The following LIPA variants were observed in gnomAD, a reference collection of about 807,000 sequenced individuals.
LIPA encodes the protein lipase A, lysosomal acid type.
LIPA carries 26 observed loss-of-function variants against 40.6 expected under a neutral mutation model. That is an observed-to-expected ratio of 0.64 (90% CI 0.47 to 0.89). The LOEUF (loss-of-function observed/expected upper bound fraction) is 0.89. Among genes scored for constraint, LIPA ranks in the 40% least tolerant of loss-of-function variants. The pLI, the probability that LIPA is intolerant of heterozygous loss-of-function variation, is 0.00. For missense variants in LIPA, 455 were observed against 479.6 expected (o/e 0.95, Z 0.48); for synonymous variants, 188 against 168.4 (o/e 1.12, Z -0.90).
chr10:89,381,565 T>C (rs1041506801), intron 2 of LIPA, among the ~76,000 whole-genome samples: 11 of 152,084 alleles, frequency 7.2e-5, no homozygotes, highest in Non-Finnish European at 1.5e-4. Context: ...ATGGAGAAGA[T>C]GGCTTGGGAT....
chr10:89,376,187 T>TAAAAAA (rs66954730), intron 2 of LIPA, among the ~76,000 whole-genome samples: 6 of 102,524 alleles, frequency 5.9e-5, no homozygotes, highest in South Asian at 3.8e-4. Flanking sequence ...GACTCTATCT[T>TAAAAAA]AAAAAAAAAA....
intron 7 of LIPA, 25 bp from the exon 8 acceptor site, chr10:89,222,607 A>G (rs771136736): frequency 7.1e-7 from 1 of 1,403,860 alleles, no homozygotes; most frequent in Non-Finnish European, 1.0e-6. Context: ...CATTGAAATG[A>G]AGAATGAAAA....
At position 89,245,666 on chromosome 10, in the gene LIPA, C is replaced by T. The variant is rs2133463997; in HGVS notation, c.229+10G>A. 5.8e-6 allele frequency: 8 copies of T among 1,378,454 alleles called. No homozygotes were observed. Among genetic ancestry groups the T allele is most frequent in the Non-Finnish European group, 8.3e-6 (8 of 965,616 alleles). 85.4% of individuals were successfully genotyped at this position (1,378,454 alleles called of 1,614,324 possible). A position where few individuals can be genotyped will look rare whatever the true frequency, so the allele number is the denominator to read the frequency against. The stretch of plus-strand genomic sequence containing the variant: ...AATTCTGGTTTTTACTTTTAAGAGC[C>T]TTCCCATACCTTTGTCAGAATGGTT... On this transcript the variant is annotated intron_variant, in intron 3 of 9. Transcript: ENST00000336233.
intron 1 of LIPA, chr10:89,302,044 G>C: frequency 6.5e-7 from 1 of 1,543,410 alleles, no homozygotes. Flanking sequence ...GCATTTATTG[G>C]TGGCAGAAGA....
intron 3 of LIPA, among the ~76,000 whole-genome samples, chr10:89,245,297 G>A (rs1302540317): frequency 6.6e-6 from 1 of 152,008 alleles, no homozygotes; most frequent in Non-Finnish European, 1.5e-5. Flanking sequence ...AGAGAGAAGG[G>A]AGGCATTTCA....
intron 2 of LIPA, among the ~76,000 whole-genome samples, chr10:89,351,904 T>G (rs1338947331): frequency 1.3e-5 from 2 of 152,216 alleles, no homozygotes; most frequent in African/African-American, 4.8e-5. Context: ...TGTCTCCATC[T>G]GGAGACAACG....
chr10:89,392,710 A>T, intron 2 of LIPA: 1 of 1,614,134 alleles, frequency 6.2e-7, no homozygotes, highest in South Asian at 1.1e-5. Flanking sequence ...ATTTACAGCA[A>T]CCATGAGGTA....
chr10:89,319,236 G>C (rs1589599643), intron 1 of LIPA, among the ~76,000 whole-genome samples: 1 of 151,756 alleles, frequency 6.6e-6, no homozygotes. Context: ...AGGAGATAGA[G>C]ACAAAAAACC....
intron 1 of LIPA, among the ~76,000 whole-genome samples, chr10:89,276,254 C>T (rs1342377767): frequency 6.6e-6 from 1 of 152,198 alleles, no homozygotes; most frequent in Non-Finnish European, 1.5e-5. Flanking sequence ...TCATCCAAGT[C>T]CTGATTTCTA....
At chr10:89,408,766 T>C (rs573009146) in intron 2 of LIPA, among the ~76,000 whole-genome samples, 2 of 152,308 alleles carry the variant, frequency 1.3e-5, no homozygotes, top group South Asian at 4.2e-4. Context: ...CCCTGGCCTT[T>C]AATGAAAAGA....
At chr10:89,406,652 C>T (rs1483955578) in intron 2 of LIPA, among the ~76,000 whole-genome samples, 3 of 152,134 alleles carry the variant, frequency 2.0e-5, no homozygotes, top group African/African-American at 7.2e-5. Context: ...TGCAGCTTCA[C>T]TCCTGAAGTC....
At chr10:89,352,903 G>C (rs552590019) in intron 2 of LIPA, among the ~76,000 whole-genome samples, 26 of 151,538 alleles carry the variant, frequency 1.7e-4, no homozygotes, top group Middle Eastern at 3.5e-3. Context: ...TTTTACCCTA[G>C]CAACATAAAC....
At chr10:89,215,407 A>G (rs949983400) in intron 9 of LIPA, among the ~76,000 whole-genome samples, 3 of 152,168 alleles carry the variant, frequency 2.0e-5, no homozygotes, top group African/African-American at 7.2e-5. Flanking sequence ...ATGCCCTCCT[A>G]CTTCTTCCCT....
intron 2 of LIPA, chr10:89,383,923 C>A: frequency 6.2e-7 from 1 of 1,614,180 alleles, no homozygotes; most frequent in African/African-American, 1.3e-5. Flanking sequence ...ATTTTCTCTG[C>A]ACGTCCTAAA....
At chr10:89,268,802 C>T (rs1396571064) in intron 1 of LIPA, among the ~76,000 whole-genome samples, 6 of 151,842 alleles carry the variant, frequency 4.0e-5, no homozygotes, top group African/African-American at 1.5e-4. Flanking sequence ...CTGACTAACA[C>T]AGTGAAACCC....
At chr10:89,248,323 G>A (rs1043680594) in intron 1 of LIPA, among the ~76,000 whole-genome samples, 15 of 150,858 alleles carry the variant, frequency 9.9e-5, no homozygotes, top group African/African-American at 3.2e-4. Context: ...CACCATGCCC[G>A]GCTAATTTTT....
intron 1 of LIPA, among the ~76,000 whole-genome samples, chr10:89,265,672 T>C (rs1308717416): frequency 6.6e-6 from 1 of 152,220 alleles, no homozygotes; most frequent in Non-Finnish European, 1.5e-5. Context: ...CTGGGAAAGA[T>C]TGGAAACTCA....
At chr10:89,315,256 C>A (rs749151513) in intron 1 of LIPA, among the ~76,000 whole-genome samples, 98 of 152,176 alleles carry the variant, frequency 6.4e-4, no homozygotes, top group Non-Finnish European at 1.6e-4. Context: ...AATATATGTA[C>A]CTTTTATAAA....
chr10:89,245,865 G>T, intron 2 of LIPA, 72 bp from the exon 3 acceptor site: 1 of 828,676 alleles, frequency 1.2e-6, no homozygotes. Flanking sequence ...ACAAGCAAAG[G>T]AGCAGATAAA....
Sources: gnomAD v4.1 joint callset for allele counts (sites outside exome capture counted in the v4.1 genomes callset) on GRCh38, gnomAD v4.1.1 for gene constraint, MANE v1.5 for transcripts, NCBI Gene and HGNC (gene_info 2026-07-23, HGNC 2026-07-21) for gene names.